ADAMTSL1: variants seen among roughly 807,000 people sequenced by gnomAD.
The protein encoded by ADAMTSL1 is ADAMTS-like protein 1.
In ADAMTSL1, 126 loss-of-function variants were observed where a neutral mutation model predicts 201.8. The ratio of observed to expected loss-of-function variants is 0.62; its 90% CI spans 0.54 to 0.72. The LOEUF is 0.72. ADAMTSL1 is among the 30% of genes least tolerant of loss of function. The pLI is 0.00. For synonymous variants in ADAMTSL1, 1,121 were observed against 903.4 expected (o/e 1.24, Z -4.32); for missense variants, 2,679 against 2,277.8 (o/e 1.18, Z -3.59).
At chr9:18,400,474 T>A (rs2133263673) in intron 2 of ADAMTSL1, among the ~76,000 whole-genome samples, 1 of 152,360 alleles carries the variant, frequency 6.6e-6, no homozygotes, top group Non-Finnish European at 1.5e-5. Context: ...TCGTTCATAA[T>A]ACGCTCTAAC....
chr9:17,916,043 C>A (rs1826078872), intron 1 of ADAMTSL1, among the ~76,000 whole-genome samples: 1 of 152,156 alleles, frequency 6.6e-6, no homozygotes, highest in Admixed American at 6.5e-5. Context: ...CTTCTGCATC[C>A]CAAGTAGCAG....
At chr9:18,414,924 C>T (rs577087004) in intron 2 of ADAMTSL1, among the ~76,000 whole-genome samples, 2 of 152,286 alleles carry the variant, frequency 1.3e-5, no homozygotes, top group East Asian at 3.9e-4. Flanking sequence ...ACAAACCAAA[C>T]TGGAAAACAC....
At chr9:18,505,966 T>A (rs1166505990) in intron 2 of ADAMTSL1, among the ~76,000 whole-genome samples, 2 of 152,208 alleles carry the variant, frequency 1.3e-5, no homozygotes, top group African/African-American at 4.8e-5. Context: ...AGAAGCCCGA[T>A]AGATGGTTCT....
intron 1 of ADAMTSL1, among the ~76,000 whole-genome samples, chr9:17,969,067 C>T (rs879530811): frequency 4.0e-5 from 6 of 151,868 alleles, no homozygotes; most frequent in East Asian, 1.9e-4. Flanking sequence ...TCTCCTGATT[C>T]AATTACATTA....
At chr9:18,371,212 G>C (rs1837028417) in intron 2 of ADAMTSL1, among the ~76,000 whole-genome samples, 1 of 152,086 alleles carries the variant, frequency 6.6e-6, no homozygotes, top group Admixed American at 6.5e-5. Context: ...GTGTGTATAT[G>C]CATTATCTAC....
intron 13 of ADAMTSL1, among the ~76,000 whole-genome samples, chr9:18,691,677 C>G (rs373201769): frequency 6.6e-6 from 1 of 152,118 alleles, no homozygotes; most frequent in African/African-American, 2.4e-5. Flanking sequence ...CCATGCAGGA[C>G]AGCTCTGCAC....
At chr9:18,802,125 A>G (rs1161969533) in intron 20 of ADAMTSL1, among the ~76,000 whole-genome samples, 1 of 152,090 alleles carries the variant, frequency 6.6e-6, no homozygotes, top group Non-Finnish European at 1.5e-5. Flanking sequence ...AAAAATAAAA[A>G]TCAACACAGG....
intron 2 of ADAMTSL1, among the ~76,000 whole-genome samples, chr9:18,272,027 G>GT (rs1157478729): frequency 2.0e-5 from 3 of 150,764 alleles, no homozygotes; most frequent in African/African-American, 7.3e-5. Flanking sequence ...GGGGTTGTTT[G>GT]TTTTTTTCTT....
At chr9:18,018,902 T>C (rs1425431982) in intron 1 of ADAMTSL1, among the ~76,000 whole-genome samples, 1 of 152,148 alleles carries the variant, frequency 6.6e-6, no homozygotes. Flanking sequence ...CCATAACAAA[T>C]ACATAAAATG....
rs570154204 is a variant in ADAMTSL1 at position 18,383,935 on chromosome 9, A to G, written c.208-120894A>G. ...GATTCTGATTCAGTAGGTCTAGAAT[A>G]GGCCCCAGATTCTGCATTTGTAACA... is the stretch of plus-strand genomic sequence containing the variant. On this transcript the variant is annotated intron_variant, in intron 2 of 29. Coordinates refer to the ADAMTSL1 transcript ENST00000680146. 1.7e-4 allele frequency among the ~76,000 whole-genome samples: 26 copies of G among 152,278 alleles called. 1 individual carries two copies. The highest frequency in any genetic ancestry group is 1.6e-3 in the Admixed American group (25 of 15,274).
chr9:18,334,980 A>G (rs1389457199), intron 2 of ADAMTSL1, among the ~76,000 whole-genome samples: 1 of 152,148 alleles, frequency 6.6e-6, no homozygotes, highest in Non-Finnish European at 1.5e-5. Context: ...GCATGTAATC[A>G]TATAAACTTG....
intron 2 of ADAMTSL1, among the ~76,000 whole-genome samples, chr9:18,530,636 C>T (rs1170217479): frequency 6.6e-6 from 1 of 152,080 alleles, no homozygotes; most frequent in African/African-American, 2.4e-5. Flanking sequence ...ATATCCTTGA[C>T]CTCCTTTCAA....
At chr9:18,189,846 TA>T (rs1378787644) in intron 2 of ADAMTSL1, among the ~76,000 whole-genome samples, 2 of 152,222 alleles carry the variant, frequency 1.3e-5, no homozygotes, top group African/African-American at 4.8e-5. Context: ...CTCTGAGAAC[TA>T]CCTTTTGAAA....
At chr9:18,178,094 C>T (rs1828260714) in intron 2 of ADAMTSL1, among the ~76,000 whole-genome samples, 1 of 152,200 alleles carries the variant, frequency 6.6e-6, no homozygotes. Context: ...AGGGTGATTT[C>T]TGCATTTCCA....
intron 1 of ADAMTSL1, among the ~76,000 whole-genome samples, chr9:17,992,772 A>G (rs1819211967): frequency 6.6e-6 from 1 of 152,220 alleles, no homozygotes; most frequent in Admixed American, 6.5e-5. Flanking sequence ...AGTAGGTGCT[A>G]TTACCCTATA....
intron 2 of ADAMTSL1, among the ~76,000 whole-genome samples, chr9:18,455,127 G>C (rs1024795969): frequency 6.6e-6 from 1 of 152,090 alleles, no homozygotes; most frequent in African/African-American, 2.4e-5. Context: ...AGTCCATCAA[G>C]TTAAAATTAC....
intron 2 of ADAMTSL1, among the ~76,000 whole-genome samples, chr9:18,173,022 G>T (rs1203048369): frequency 6.6e-6 from 1 of 152,058 alleles, no homozygotes; most frequent in African/African-American, 2.4e-5. Context: ...GCTATGCATA[G>T]TACACTTTAG....
intron 4 of ADAMTSL1, among the ~76,000 whole-genome samples, chr9:18,590,007 G>C (rs886723621): frequency 6.6e-6 from 1 of 152,188 alleles, no homozygotes; most frequent in Admixed American, 6.5e-5. Flanking sequence ...GTTCATGAAG[G>C]AGCTTGGCCT....
chr9:18,398,657 C>T (rs576479376), intron 2 of ADAMTSL1, among the ~76,000 whole-genome samples: 37 of 152,220 alleles, frequency 2.4e-4, no homozygotes, highest in Non-Finnish European at 4.4e-4. Context: ...AAGGTGCTGT[C>T]TAGATCCCAT....
Sources: gnomAD v4.1 joint callset for allele counts (sites outside exome capture counted in the v4.1 genomes callset) on GRCh38, gnomAD v4.1.1 for gene constraint, MANE v1.5 for transcripts, NCBI Gene and HGNC (gene_info 2026-07-23, HGNC 2026-07-21) for gene names.